Variants in COL11A1 observed in about 807,000 individuals in gnomAD.
COL11A1 encodes collagen type XI alpha 1 chain, also known as collagen alpha-1(XI) chain.
A neutral mutation model predicts 265.2 loss-of-function variants in COL11A1; 74 were observed. The ratio of observed to expected loss-of-function variants is 0.28; its 90% CI spans 0.23 to 0.34. The LOEUF (loss-of-function observed/expected upper bound fraction) is 0.34. Among genes scored for constraint, COL11A1 ranks in the 10% least tolerant of loss-of-function variants. The pLI is 1.00. For missense variants in COL11A1, 2,165 were observed against 2,263.6 expected (o/e 0.96, Z 0.88); for synonymous variants, 816 against 727.6 (o/e 1.12, Z -1.96).
chr1:103,061,893 C>T (rs1302045732), intron 4 of COL11A1, among the ~76,000 whole-genome samples: 1 of 151,794 alleles, frequency 6.6e-6, no homozygotes, highest in Non-Finnish European at 1.5e-5. Context: ...AATTAGCATC[C>T]AAACCAAAAC....
chr1:103,045,962 G>T (rs1015035025), intron 4 of COL11A1, among the ~76,000 whole-genome samples: 2 of 151,426 alleles, frequency 1.3e-5, no homozygotes, highest in African/African-American at 4.9e-5. Context: ...TTTTTTTATG[G>T]CTGCATAGTA....
At chr1:103,033,581 C>G (rs1052606124) in intron 4 of COL11A1, among the ~76,000 whole-genome samples, 3 of 151,334 alleles carry the variant, frequency 2.0e-5, no homozygotes, top group Non-Finnish European at 4.4e-5. Context: ...CCTATCAACA[C>G]AGTTTTATAA....
At position 102,946,840 on chromosome 1, in the gene COL11A1, A is replaced by G. The variant is rs771216148; in HGVS notation, c.3276+9T>C. 1.2e-6 allele frequency: 2 copies of G among 1,606,212 alleles called. No homozygotes were observed. Among genetic ancestry groups the G allele is most frequent in the Admixed American group, 3.3e-5 (2 of 59,798 alleles). ...CAGCATAATATATTTTCTCCTAGAC[A>G]TTACTTACAGGAGCACCTTTCTCTC... On this transcript the variant is annotated intron_variant, in intron 42 of 66. Transcript: ENST00000370096.
intron 12 of COL11A1, among the ~76,000 whole-genome samples, chr1:103,015,130 G>T (rs1222108799): frequency 6.6e-6 from 1 of 151,904 alleles, no homozygotes; most frequent in Non-Finnish European, 1.5e-5. Context: ...AACTCAAAAT[G>T]CAGTAGGAGT....
chr1:102,898,893 TATATATA>T (rs751982094), intron 55 of COL11A1, 41 bp downstream of exon 55: 23 of 1,084,292 alleles, frequency 2.1e-5, no homozygotes, highest in South Asian at 1.2e-4. Flanking sequence ...TAATACCTTG[TATATATA>T]ATATATAATA....
intron 46 of COL11A1, among the ~76,000 whole-genome samples, chr1:102,931,787 G>A (rs1445983601): frequency 3.3e-5 from 5 of 151,828 alleles, no homozygotes; most frequent in African/African-American, 1.2e-4. Flanking sequence ...TGTATTGGGT[G>A]CATATATATT....
In COL11A1 at chr1:103,022,810, G is replaced by T. The variant is rs556692411; in HGVS notation, c.1177C>A (p.Pro393Thr). ...FYEYKEYEDK[P>T]TSPPNEEFGP... ...AATTCTTCATTAGGGGGGCTTGTTGGTTTATCTTCATATTCTTTATATTCA... is the reference window on the plus strand; with the variant it reads ...AATTCTTCATTAGGGGGGCTTGTTGTTTTATCTTCATATTCTTTATATTCA... Residue 393 changes from proline (P) to threonine (T), a missense_variant, in exon 8 of 67, where the codon CCA becomes ACA. Transcript: ENST00000370096. The T allele has an allele frequency of 1.5e-5, 24 of 1,613,636 alleles. No individual in the cohort carries two copies. Among genetic ancestry groups the T allele is most frequent in the African/African-American group, 6.7e-5 (5 of 74,978 alleles).
In COL11A1 at chr1:102,898,727, C is replaced by G; in HGVS notation, c.4187G>C (p.Gly1396Ala). The G allele has an allele frequency of 6.2e-7, 1 of 1,613,060 alleles. No individual in the cohort carries two copies. The highest frequency in any genetic ancestry group is 8.5e-7 in the Non-Finnish European group (1 of 1,179,420). The change falls in exon 56 of 67, where the codon GGT becomes GCT. Residue 1396 changes from glycine (G) to alanine (A), a missense_variant. By Grantham distance (60) the Gly-to-Ala change is moderately conservative. Coordinates refer to ENST00000370096, the MANE Select transcript of COL11A1 (RefSeq NM_001854.4). Reference sequence around the variant, plus strand: ...AGGCTTTCCTGCAGGTCCCTGAGGACCGACTGGGCCGGTTTTTCCAGGAGG... The same window carrying G: ...AGGCTTTCCTGCAGGTCCCTGAGGAGCGACTGGGCCGGTTTTTCCAGGAGG... ...EGPPGKTGPV[G>A]PQGPAGKPGP...
chr1:103,071,467 C>CT (rs869263393), intron 4 of COL11A1, among the ~76,000 whole-genome samples: 7,067 of 49,878 alleles, frequency 0.14, 2,496 homozygotes, highest in Non-Finnish European at 0.2. Context: ...GTTGGTAGGA[C>CT]TTTTTTTTTT....
rs2101680384 is a variant in COL11A1, at chr1:102,978,880, T to C, written c.2689A>G (p.Thr897Ala). Residue 897 changes from threonine (T) to alanine (A), a missense_variant, in exon 34 of 67, where the codon ACT becomes GCT. Thr to Ala is a moderately conservative substitution (Grantham distance 58). Coordinates refer to ENST00000370096, the MANE Select transcript of COL11A1 (RefSeq NM_001854.4). ...PRGSRGARGP[T>A]GKPGPKGTSG... ...GATACCTTTGGCCCAGGTTTCCCAGTGGGACCTCTTGCACCTCTTGAACCT... is the reference window on the plus strand; with the variant it reads ...GATACCTTTGGCCCAGGTTTCCCAGCGGGACCTCTTGCACCTCTTGAACCT... 1 of 1,614,166 alleles carries C rather than the reference T, an allele frequency of 6.2e-7. No homozygotes were observed. The highest frequency in any genetic ancestry group is 8.5e-7 in the Non-Finnish European group (1 of 1,180,022).
intron 2 of COL11A1, among the ~76,000 whole-genome samples, chr1:103,080,824 C>T (rs12116792): frequency 1.7e-4 from 26 of 151,608 alleles, no homozygotes; most frequent in African/African-American, 6.3e-4. Flanking sequence ...AAAGGAAATG[C>T]AATCAGTATG....
intron 4 of COL11A1, among the ~76,000 whole-genome samples, chr1:103,061,683 C>T (rs1363718384): frequency 1.3e-5 from 2 of 151,706 alleles, no homozygotes; most frequent in Admixed American, 6.6e-5. Flanking sequence ...AAATAAAAAT[C>T]AAAATATAAC....
chr1:102,906,882 C>G (rs1226063282), intron 54 of COL11A1, among the ~76,000 whole-genome samples: 2 of 151,896 alleles, frequency 1.3e-5, no homozygotes, highest in African/African-American at 2.4e-5. Context: ...AGATTGTTGA[C>G]ATAAGAGTAA....
At chr1:102,993,382 C>A in intron 28 of COL11A1, among the ~76,000 whole-genome samples, 1 of 152,026 alleles carries the variant, frequency 6.6e-6, no homozygotes, top group Non-Finnish European at 1.5e-5. Flanking sequence ...TGTGGATGCT[C>A]CAGTTCTTGA....
rs776451100 is a variant in COL11A1, at chr1:102,934,573, A to G, written c.3493-17T>C. The G allele has an allele frequency of 3.2e-6, 5 of 1,581,512 alleles. No homozygotes were observed. On this transcript the variant is annotated splice_polypyrimidine_tract_variant and intron_variant, in intron 45 of 66. Transcript: ENST00000370096. ...ATCACCTCCCTAGAGAAGAGAAAGA[A>G]ACATTATCACAAACTGGAAAAAATC...
chr1:102,986,508 CAT>C (rs1663565723), intron 30 of COL11A1, among the ~76,000 whole-genome samples: 1 of 151,778 alleles, frequency 6.6e-6, no homozygotes, highest in South Asian at 2.1e-4. Context: ...CACATGTATA[CAT>C]ATGTAACTAA....
chr1:103,005,869 A>G lies in COL11A1; in HGVS notation c.1814T>C (p.Leu605Pro). 6.2e-7 allele frequency: 1 copy of G among 1,613,198 alleles called. No homozygotes were observed. Among genetic ancestry groups the G allele is most frequent in the Non-Finnish European group, 8.5e-7 (1 of 1,179,904 alleles). The change falls in exon 18 of 67, where the codon CTT becomes CCT. Residue 605 changes from leucine to proline, a missense_variant. By Grantham distance (98) the Leu-to-Pro change is moderately conservative. Transcript: ENST00000370096. ...GAKGDRGFDG[L>P]PGLPGDKGHR... ...ACCTTTGTCACCTGGCAGACCCGGA[A>G]GTCCATCAAACCCTCGATCTCCCTG...
chr1:102,966,397 T>A lies in COL11A1; in HGVS notation c.2863-857A>T, dbSNP rs564833443. Among the ~76,000 whole-genome samples the A allele has an allele frequency of 2.6e-4, 39 of 152,296 alleles. 1 individual carries two copies. In the South Asian group the frequency reaches 8.1e-3, roughly 32 times the overall value. On this transcript the variant is annotated intron_variant, in intron 37 of 66. Coordinates refer to ENST00000370096, the MANE Select transcript of COL11A1 (RefSeq NM_001854.4). ...AAAAAAAATGGGTAGGAACTAGCAG[T>A]CTCACGTTAGTATCACAATGTTCCC... is the stretch of plus-strand genomic sequence containing the variant.
intron 41 of COL11A1, among the ~76,000 whole-genome samples, chr1:102,955,074 A>T (rs11811018): frequency 0.7 from 106,331 of 151,986 alleles, 38,650 homozygotes; most frequent in East Asian, 0.92. Context: ...CCCTAGTTGG[A>T]TGTAATCATA....
Sources: gnomAD v4.1 joint callset for allele counts (sites outside exome capture counted in the v4.1 genomes callset) on GRCh38, gnomAD v4.1.1 for gene constraint, MANE v1.5 for transcripts, NCBI Gene and HGNC (gene_info 2026-07-23, HGNC 2026-07-21) for gene names.